The following SLC4A3 variants were observed in gnomAD, a reference collection of about 807,000 sequenced individuals.
The protein encoded by SLC4A3 is solute carrier family 4 member 3.
In SLC4A3, 47 loss-of-function variants were observed where a neutral mutation model predicts 114.2. The ratio of observed to expected loss-of-function variants is 0.41; its 90% CI spans 0.33 to 0.52. The LOEUF (loss-of-function observed/expected upper bound fraction) is 0.52. Ranked by LOEUF, SLC4A3 falls within the 20% of genes least tolerant of loss-of-function variation. SLC4A3 has a pLI of 0.21. For missense variants in SLC4A3, 1,312 were observed against 1,668.3 expected (o/e 0.79, Z 3.72); for synonymous variants, 693 against 710.3 (o/e 0.98, Z 0.39).
Position 219,639,868 on chromosome 2 carries a change from C to A in SLC4A3, c.3277+133C>A. 1 of 1,100,670 alleles carries A rather than the reference C, an allele frequency of 9.1e-7. No individual in the cohort carries two copies. Among genetic ancestry groups the A allele is most frequent in the Non-Finnish European group, 1.3e-6 (1 of 769,086 alleles). 68.2% of individuals were successfully genotyped at this position (1,100,670 alleles called of 1,614,324 possible). On this transcript the variant is annotated intron_variant, in intron 20 of 22. Transcript: ENST00000358055. This position sits in a 1 kb window ranked among gnomAD's most constrained non-coding sequence, Gnocchi z 5.9. ...CTCAATCTGACCCCCAAACCTGCTT[C>A]CCAGCACTCCCCTAGCCCTTTACTC...
In SLC4A3 at chr2:219,637,888, C is replaced by G; in HGVS notation, c.2766+77C>G. ...AGGAGCTCCCCAGAGAGGCTGCACC[C>G]CTTCCCCGGTCAGCCCATGGACCAA... On this transcript the variant is annotated intron_variant, in intron 17 of 22. Coordinates refer to ENST00000358055, the MANE Select transcript of SLC4A3 (RefSeq NM_005070.4). The surrounding 1 kb of genome is among the most constrained non-coding windows in gnomAD (Gnocchi z 4.6). 2 of 1,219,792 alleles carry G rather than the reference C, an allele frequency of 1.6e-6. No individual in the cohort carries two copies. Among genetic ancestry groups the G allele is most frequent in the African/African-American group, 3.0e-5 (2 of 67,158 alleles). The allele number at this position is 1,219,792 out of a possible 1,614,324, so 75.6% of individuals were successfully genotyped here. A position where few individuals can be genotyped will look rare whatever the true frequency, so the allele number is the denominator to read the frequency against.
chr2:219,629,286 C>T lies in SLC4A3; in HGVS notation c.360C>T (p.Ser120=), dbSNP rs148716690. The T allele has an allele frequency of 9.2e-4, 1,481 of 1,613,904 alleles. No individual in the cohort carries two copies. Among genetic ancestry groups the T allele is most frequent in the East Asian group, 1.1e-3 (48 of 44,858 alleles). The part of the protein sequence containing the change: ...RKKEKTSAPP[S]EGTPPIQEEG... Reference sequence around the variant, plus strand: ...AGGAGAAAACCTCTGCTCCTCCCTCCGAGGGGACCCCTCCCATCCAGGAGG... The same window carrying T: ...AGGAGAAAACCTCTGCTCCTCCCTCTGAGGGGACCCCTCCCATCCAGGAGG... The change falls in exon 4 of 23, where the codon TCC becomes TCT. Residue 120 remains serine, a synonymous_variant. Coordinates refer to ENST00000358055, the MANE Select transcript of SLC4A3 (RefSeq NM_005070.4).
In SLC4A3 at chr2:219,632,022, C is replaced by T. The variant is rs773846474; in HGVS notation, c.866C>T (p.Ser289Phe). The T allele has an allele frequency of 1.2e-6, 2 of 1,613,524 alleles. No homozygotes were observed. The highest frequency in any genetic ancestry group is 3.3e-5 in the Admixed American group (2 of 59,880). Residue 289 changes from serine to phenylalanine, a missense_variant, in exon 7 of 23, where the codon TCC (serine) becomes TTC (phenylalanine). Around this residue, in one of 4 missense-constraint regions of SLC4A3, gnomAD observed 771 missense variants for 977.7 expected, o/e 0.79. Transcript: ENST00000358055. ...GVRRHLVKKP[S>F]RTQGGRGSPS... ...CGGCGACACTTAGTGAAAAAGCCCT[C>T]CCGGACGCAGGGCGGGAGGGGCAGT...
rs951077344 is a variant in SLC4A3, at chr2:219,641,080, G to A, written c.3621+118G>A. On this transcript the variant is annotated intron_variant, in intron 22 of 22. Coordinates refer to ENST00000358055, the MANE Select transcript of SLC4A3 (RefSeq NM_005070.4). This position sits in a 1 kb window ranked among gnomAD's most constrained non-coding sequence, Gnocchi z 4.0. ...GAAACTTGTGTAACTTGTGTTGCAA[G>A]TTATCTCACCTTCCGAAATCTTATT... is the stretch of plus-strand genomic sequence containing the variant. 32 of 956,796 alleles carry A rather than the reference G, an allele frequency of 3.3e-5. No homozygotes were observed. The highest frequency in any genetic ancestry group is 4.9e-5 in the African/African-American group (3 of 61,386). The allele number at this position is 956,796 out of a possible 1,614,324, so 59.3% of individuals were successfully genotyped here.
At position 219,632,537 on chromosome 2, in the gene SLC4A3, C is replaced by T. The variant is rs926588685; in HGVS notation, c.1141+95C>T. 3 of 1,372,370 alleles carry T rather than the reference C, an allele frequency of 2.2e-6. No individual in the cohort carries two copies. The Admixed American group carries it at 8.4e-5, about 38-fold the overall frequency. The allele number at this position is 1,372,370 out of a possible 1,614,324, so 85.0% of individuals were successfully genotyped here. A position where few individuals can be genotyped will look rare whatever the true frequency, so the allele number is the denominator to read the frequency against. On this transcript the variant is annotated intron_variant, in intron 8 of 22. Transcript: ENST00000358055. ...GGAACACTCTCTAGAGTCCTGGGCA[C>T]AGGCAAGATCCAACTGCCACCTGGG...
chr2:219,639,829 T>C lies in SLC4A3; in HGVS notation c.3277+94T>C. The C allele has an allele frequency of 2.7e-6, 4 of 1,483,288 alleles. No individual in the cohort carries two copies. The South Asian group carries it at 5.1e-5, about 19-fold the overall frequency. The allele number at this position is 1,483,288 out of a possible 1,614,324, so 91.9% of individuals were successfully genotyped here. A position where few individuals can be genotyped will look rare whatever the true frequency, so the allele number is the denominator to read the frequency against. On this transcript the variant is annotated intron_variant, in intron 20 of 22. Transcript: ENST00000358055. This position sits in a 1 kb window ranked among gnomAD's most constrained non-coding sequence, Gnocchi z 5.9. The stretch of plus-strand genomic sequence containing the variant: ...AGGCTTGACCCTGAATCTCCCAATG[T>C]GCTGTGTGTTGCCCTCAATCTGACC...
At position 219,630,181 on chromosome 2, in the gene SLC4A3, C is replaced by CGACTCGCTGGGGAGAAAA. The variant is rs535692984; in HGVS notation, c.642_659dup (p.Arg214_Lys219dup). On this transcript the variant is annotated inframe_insertion, in exon 6 of 23. Transcript: ENST00000358055. The surrounding 1 kb of genome is among the most constrained non-coding windows in gnomAD (Gnocchi z 6.9). ...CCCCAGCCCCCGGGCCCGGGCCTCCCGACTCGCTGGGGAGAAAAGCCGGCC... is the reference window on the plus strand; with the variant it reads ...CCCCAGCCCCCGGGCCCGGGCCTCCCGACTCGCTGGGGAGAAAAGACTCGCTGGGGAGAAAAGCCGGCC... 4,377 of 1,612,396 alleles carry CGACTCGCTGGGGAGAAAA rather than the reference C, an allele frequency of 2.7e-3. 5 individuals are homozygous for CGACTCGCTGGGGAGAAAA. Among genetic ancestry groups the CGACTCGCTGGGGAGAAAA allele is most frequent in the Admixed American group, 7.7e-3 (460 of 59,866 alleles).
Position 219,639,403 on chromosome 2 carries a change from C to T in SLC4A3, c.3024-79C>T, listed in dbSNP as rs1377906670. The T allele has an allele frequency of 1.8e-5, 27 of 1,517,356 alleles. No individual in the cohort carries two copies. Among genetic ancestry groups the T allele is most frequent in the East Asian group, 2.3e-5 (1 of 44,056 alleles). 94.0% of individuals were successfully genotyped at this position (1,517,356 alleles called of 1,614,324 possible). ...TCTGCACGTCCTCCCCCCACCATCT[C>T]GTCTCTGTGTGCGTGCCTGTCTTTG... On this transcript the variant is annotated intron_variant, in intron 19 of 22. Transcript: ENST00000358055. This position sits in a 1 kb window ranked among gnomAD's most constrained non-coding sequence, Gnocchi z 5.9.
chr2:219,627,935 C>T lies in SLC4A3; in HGVS notation c.-58C>T. 6.7e-7 allele frequency: 1 copy of T among 1,501,822 alleles called. No homozygotes were observed. The highest frequency in any genetic ancestry group is 9.2e-7 in the Non-Finnish European group (1 of 1,092,806). 93.0% of individuals were successfully genotyped at this position (1,501,822 alleles called of 1,614,324 possible). A position where few individuals can be genotyped will look rare whatever the true frequency, so the allele number is the denominator to read the frequency against. On this transcript the variant is annotated 5_prime_UTR_variant, in exon 2 of 23. Coordinates refer to ENST00000358055, the MANE Select transcript of SLC4A3 (RefSeq NM_005070.4). ...TAGGCCCCCTCAGTGGCCCCTCCTT[C>T]TCACCTGGGTCTCGGGTCCCCTAGT...
chr2:219,637,211 G>T lies in SLC4A3; in HGVS notation c.2535+337G>T, dbSNP rs1029062921. 3.4e-5 allele frequency among the ~76,000 whole-genome samples: 5 copies of T among 148,196 alleles called. No individual in the cohort carries two copies. The highest frequency in any genetic ancestry group is 2.0e-4 in the Admixed American group (3 of 14,668). ...GTAGAGGAGTGTGTGTGTGTGTGTG[G>T]GTGTGGGTGTGGTGTGAGTATGGTG... On this transcript the variant is annotated intron_variant, in intron 16 of 22. Transcript: ENST00000358055. The surrounding 1 kb of genome is among the most constrained non-coding windows in gnomAD (Gnocchi z 4.6).
chr2:219,638,310 C>G lies in SLC4A3; in HGVS notation c.2856+57C>G, dbSNP rs1399185916. The G allele has an allele frequency of 1.5e-6, 2 of 1,304,552 alleles. No individual in the cohort carries two copies. The highest frequency in any genetic ancestry group is 2.9e-5 in the African/African-American group (2 of 68,564). The allele number at this position is 1,304,552 out of a possible 1,614,324, so 80.8% of individuals were successfully genotyped here. ...TCACCCCCAGGCCAGGAGAGGGAGCCCACAACACACTTCCATGGGCCCTGG... is the reference window on the plus strand; with the variant it reads ...TCACCCCCAGGCCAGGAGAGGGAGCGCACAACACACTTCCATGGGCCCTGG... On this transcript the variant is annotated intron_variant, in intron 18 of 22. Transcript: ENST00000358055. This position sits in a 1 kb window ranked among gnomAD's most constrained non-coding sequence, Gnocchi z 7.5.
In SLC4A3 at chr2:219,633,442, C is replaced by T; in HGVS notation, c.1446C>T (p.Asp482=). The change falls in exon 10 of 23, where the codon GAC becomes GAT. Residue 482 remains aspartate, a synonymous_variant. Transcript: ENST00000358055. ...AGCCAGCCCCACTCTGGCCACATGA[C>T]CCTGACGCCAAGGAGGTCAGTGCCC... ...LGEPAPLWPH[D]PDAKEKPLHM... is the part of the protein sequence containing the mutation. The T allele has an allele frequency of 6.5e-7, 1 of 1,549,412 alleles. No homozygotes were observed. Among genetic ancestry groups the T allele is most frequent in the South Asian group, 1.2e-5 (1 of 82,196 alleles).
At position 219,629,203 on chromosome 2, in the gene SLC4A3, C is replaced by A. The variant is rs1204747367; in HGVS notation, c.277C>A (p.His93Asn). ...GCTCTCAGCGCGCCTGCCTCCACCC[C>A]ACAAGCTGCGGCGGCTGCCCCCCAC... is the stretch of plus-strand genomic sequence containing the variant. ...HPLSARLPPP[H>N]KLRRLPPTSA... Residue 93 changes from histidine (H) to asparagine (N), a missense_variant, in exon 4 of 23, where the codon CAC becomes AAC. By Grantham distance (68) the His-to-Asn change is moderately conservative. This residue lies in a region of SLC4A3 where 236 missense variants were observed against 212.1 expected (regional missense o/e 1.11). Transcript: ENST00000358055. 11 of 1,612,740 alleles carry A rather than the reference C, an allele frequency of 6.8e-6. No homozygotes were observed. The highest frequency in any genetic ancestry group is 1.7e-5 in the Admixed American group (1 of 59,860).
At position 219,636,582 on chromosome 2, in the gene SLC4A3, C is replaced by G. The variant is rs949837434; in HGVS notation, c.2341-98C>G. On this transcript the variant is annotated intron_variant, in intron 15 of 22. Transcript: ENST00000358055. This position sits in a 1 kb window ranked among gnomAD's most constrained non-coding sequence, Gnocchi z 5.5. ...TACCTAGGGGATGGGTCCCTGCATT[C>G]TCCCTCTTCCTCGGAGTTCATCCGC... 2.0e-6 allele frequency: 3 copies of G among 1,475,828 alleles called. No individual in the cohort carries two copies. In the East Asian group the frequency reaches 6.9e-5, roughly 34 times the overall value. 91.4% of individuals were successfully genotyped at this position (1,475,828 alleles called of 1,614,324 possible). A position where few individuals can be genotyped will look rare whatever the true frequency, so the allele number is the denominator to read the frequency against.
chr2:219,638,826 C>G lies in SLC4A3; in HGVS notation c.2980C>G (p.Leu994Val). ...WMMVAAAVPA[L>V]LVLILIFMET... ...GATGGTGGCAGCCGCTGTTCCCGCC[C>G]TCCTCGTCCTCATCCTGATCTTCAT... is the stretch of plus-strand genomic sequence containing the variant. The change falls in exon 19 of 23, where the codon CTC becomes GTC. Residue 994 changes from leucine to valine, a missense_variant. Leu to Val is a conservative substitution (Grantham distance 32, BLOSUM62 1). Around this residue, in one of 4 missense-constraint regions of SLC4A3, gnomAD observed 301 missense variants for 460.7 expected, o/e 0.65. Coordinates refer to ENST00000358055, the MANE Select transcript of SLC4A3 (RefSeq NM_005070.4). The surrounding 1 kb of genome is among the most constrained non-coding windows in gnomAD (Gnocchi z 7.5). 6.2e-7 allele frequency: 1 copy of G among 1,614,168 alleles called. No homozygotes were observed. Among genetic ancestry groups the G allele is most frequent in the Non-Finnish European group, 8.5e-7 (1 of 1,180,046 alleles).
rs755981998 is a variant in SLC4A3, at chr2:219,633,490, A to T, written c.1461+33A>T. On this transcript the variant is annotated intron_variant, in intron 10 of 22. Transcript: ENST00000358055. Reference sequence around the variant, plus strand: ...CCCTTGCTTTGGCTTGGGCCAGGGGACTGAGAGGGTGTCCAGTTTCAGTCG... The same window carrying T: ...CCCTTGCTTTGGCTTGGGCCAGGGGTCTGAGAGGGTGTCCAGTTTCAGTCG... The T allele has an allele frequency of 3.4e-6, 5 of 1,485,266 alleles. No individual in the cohort carries two copies. In the South Asian group the frequency reaches 4.2e-5, roughly 13 times the overall value. 92.0% of individuals were successfully genotyped at this position (1,485,266 alleles called of 1,614,324 possible).
rs777477960 is a variant in SLC4A3, at chr2:219,628,611, C to A, written c.217+41C>A. The A allele has an allele frequency of 6.3e-7, 1 of 1,597,756 alleles. No homozygotes were observed. Among genetic ancestry groups the A allele is most frequent in the East Asian group, 2.2e-5 (1 of 44,742 alleles). ...ACCCCTAGTGCGGCCGCCCTCGCCA[C>A]CATCACCTTCATCGCCACCATCACC... On this transcript the variant is annotated intron_variant, in intron 3 of 22. Coordinates refer to ENST00000358055, the MANE Select transcript of SLC4A3 (RefSeq NM_005070.4). This position sits in a 1 kb window ranked among gnomAD's most constrained non-coding sequence, Gnocchi z 4.8.
rs538867086 is a variant in SLC4A3, at chr2:219,630,182, G to T, written c.641G>T (p.Arg214Leu). The T allele has an allele frequency of 6.2e-7, 1 of 1,611,540 alleles. No homozygotes were observed. The highest frequency in any genetic ancestry group is 1.3e-5 in the African/African-American group (1 of 74,834). The change falls in exon 6 of 23, where the codon CGA becomes CTA. Residue 214 changes from arginine (R) to leucine (L), a missense_variant. Physicochemically the swap from Arg to Leu is moderately radical, Grantham distance 102. Around this residue, in one of 4 missense-constraint regions of SLC4A3, gnomAD observed 771 missense variants for 977.7 expected, o/e 0.79. Coordinates refer to ENST00000358055, the MANE Select transcript of SLC4A3 (RefSeq NM_005070.4). This position sits in a 1 kb window ranked among gnomAD's most constrained non-coding sequence, Gnocchi z 6.9. ...CCCAGCCCCCGGGCCCGGGCCTCCCGACTCGCTGGGGAGAAAAGCCGGCCC... is the reference window on the plus strand; with the variant it reads ...CCCAGCCCCCGGGCCCGGGCCTCCCTACTCGCTGGGGAGAAAAGCCGGCCC... ...SSPSPRARASRLAGEKSRPWS... is the reference protein window; with the variant it reads ...SSPSPRARASLLAGEKSRPWS...
chr2:219,635,254 C>A lies in SLC4A3; in HGVS notation c.1747-17C>A. 1 of 1,609,314 alleles carries A rather than the reference C, an allele frequency of 6.2e-7. No individual in the cohort carries two copies. The highest frequency in any genetic ancestry group is 8.5e-7 in the Non-Finnish European group (1 of 1,175,820). Reference sequence around the variant, plus strand: ...CTTGGCTGTCCCTGAGGGTCCTGGCCCTCTCATTGCCCCCAGCTGTTTCAT... The same window carrying A: ...CTTGGCTGTCCCTGAGGGTCCTGGCACTCTCATTGCCCCCAGCTGTTTCAT... On this transcript the variant is annotated splice_polypyrimidine_tract_variant and intron_variant, in intron 12 of 22. Transcript: ENST00000358055.
Sources: allele counts gnomAD v4.1 joint callset (sites outside exome capture counted in the v4.1 genomes callset), GRCh38; gene constraint gnomAD v4.1.1; regional missense constraint gnomAD v4.1.1; non-coding constraint Gnocchi (gnomAD v3.1); transcripts MANE v1.5; gene names NCBI Gene and HGNC (gene_info 2026-07-23, HGNC 2026-07-21).